PMM2: variants seen among roughly 807,000 people sequenced by gnomAD.
PMM2 encodes phosphomannomutase 2, also known as mannose-6-phosphate isomerase.
In PMM2, 35 loss-of-function variants were observed where a neutral mutation model predicts 33.2. The ratio of observed to expected loss-of-function variants is 1.06; its 90% CI spans 0.81 to 1.40. PMM2 has a LOEUF of 1.40. Among genes scored for constraint, PMM2 ranks in the 40% most tolerant of loss-of-function variants. The probability of loss-of-function intolerance (pLI) is 0.00; values close to 1 mark genes in which losing one functional copy is unlikely to be tolerated. For synonymous variants in PMM2, 153 were observed against 114.7 expected (o/e 1.33, Z -2.13); for missense variants, 386 against 306.0 (o/e 1.26, Z -1.95).
chr16:8,833,755 GAGA>G (rs1232844433), intron 7 of PMM2, among the ~76,000 whole-genome samples: 2 of 152,016 alleles, frequency 1.3e-5, no homozygotes, highest in African/African-American at 4.8e-5. Context: ...AATGGAATAA[GAGA>G]AGGAGAAAAA....
chr16:8,815,013 C>G (rs1487555831), intron 7 of PMM2, among the ~76,000 whole-genome samples: 2 of 152,130 alleles, frequency 1.3e-5, no homozygotes, highest in Non-Finnish European at 2.9e-5. Flanking sequence ...CCGTCCCTGG[C>G]AACCACCGTT....
At chr16:8,820,646 T>C (rs1355436678) in intron 7 of PMM2, among the ~76,000 whole-genome samples, 1 of 152,062 alleles carries the variant, frequency 6.6e-6, no homozygotes. Flanking sequence ...GAGCCACCAC[T>C]CCCGACCACA....
intron 1 of PMM2, among the ~76,000 whole-genome samples, chr16:8,801,560 A>G (rs768892616): frequency 1.3e-5 from 2 of 152,154 alleles, no homozygotes; most frequent in Non-Finnish European, 2.9e-5. Context: ...GGTCCCAGCT[A>G]CTCAGGAGGC....
intron 7 of PMM2, among the ~76,000 whole-genome samples, chr16:8,827,250 G>A (rs1208161831): frequency 6.6e-6 from 1 of 151,682 alleles, no homozygotes; most frequent in African/African-American, 2.4e-5. Flanking sequence ...TCTCATGTGG[G>A]CATTCAGAGT....
intron 7 of PMM2, among the ~76,000 whole-genome samples, chr16:8,820,783 G>T (rs1345230564): frequency 1.3e-5 from 2 of 152,184 alleles, no homozygotes; most frequent in Non-Finnish European, 2.9e-5. Flanking sequence ...ACCAGCGTCT[G>T]CTTCCTTCAC....
At chr16:8,843,316 G>T (rs1387873057) in intron 7 of PMM2, among the ~76,000 whole-genome samples, 1 of 152,148 alleles carries the variant, frequency 6.6e-6, no homozygotes, top group African/African-American at 2.4e-5. Flanking sequence ...CGTCCGTGAT[G>T]GTCTGGGGGC....
intron 7 of PMM2, among the ~76,000 whole-genome samples, chr16:8,830,399 T>C (rs868280403): frequency 6.6e-6 from 1 of 152,230 alleles, no homozygotes; most frequent in South Asian, 2.1e-4. Flanking sequence ...ACTGGAGTTT[T>C]ATTATTACTC....
chr16:8,847,548 C>G, intron 7 of PMM2, 176 bp from the exon 8 acceptor site: 1 of 621,520 alleles, frequency 1.6e-6, no homozygotes, highest in Admixed American at 2.4e-5. Flanking sequence ...TAAATCTCTT[C>G]TTAATAACAA....
At chr16:8,841,946 A>C (rs4985052) in intron 7 of PMM2, among the ~76,000 whole-genome samples, 93,640 of 139,570 alleles carry the variant, frequency 0.67, 29,273 homozygotes, top group South Asian at 0.69. Flanking sequence ...AGAAATGTAG[A>C]GAGTGAGTTG....
Position 8,827,762 on chromosome 16 carries a change from G to T in PMM2, c.639+14656G>T, listed in dbSNP as rs369260756. On this transcript the variant is annotated intron_variant, in intron 7 of 7. Transcript: ENST00000268261. ...TATATATATATATATATATATATAT[G>T]CACACATTTATATATATATATTTAT... 1.3e-3 allele frequency among the ~76,000 whole-genome samples: 52 copies of T among 40,244 alleles called. 1 individual carries two copies. The highest frequency in any genetic ancestry group is 2.4e-3 in the East Asian group (3 of 1,260). The allele number at this position is 40,244 out of a possible 152,430, so 26.4% of individuals were successfully genotyped here. A position where few individuals can be genotyped will look rare whatever the true frequency, so the allele number is the denominator to read the frequency against.
In PMM2 at chr16:8,811,145, A is replaced by G. The variant is rs1465175487; in HGVS notation, c.414A>G (p.Gln138=). 1.1e-5 allele frequency: 18 copies of G among 1,575,828 alleles called. 1 individual carries two copies. In the South Asian group the frequency reaches 1.5e-4, roughly 13 times the overall value. ...CCCCTATTGGAAGAAGCTGCAGCCAAGAAGAACGCATTGAGTTCTACGAAC... is the reference window on the plus strand; with the variant it reads ...CCCCTATTGGAAGAAGCTGCAGCCAGGAAGAACGCATTGAGTTCTACGAAC... The part of the protein sequence containing the change: ...NVSPIGRSCS[Q]EERIEFYELD... Residue 138 remains glutamine (Q), a synonymous_variant, in exon 5 of 8, where the codon CAA becomes CAG. Transcript: ENST00000268261.
At chr16:8,832,555 C>T (rs1369033182) in intron 7 of PMM2, 1 of 985,308 alleles carries the variant, frequency 1.0e-6, no homozygotes, top group Admixed American at 6.1e-5. Context: ...TGTCAGGGGA[C>T]TAGCATAAAC....
rs1481809407 is a variant in PMM2 at position 8,819,112 on chromosome 16, G to A, written c.639+6006G>A. On this transcript the variant is annotated intron_variant, in intron 7 of 7. Transcript: ENST00000268261. Reference sequence around the variant, plus strand: ...TTTTTGACTTGACGCTTCCATTTTGGGTAATTTGGCTATCAGTGCACTCAA... The same window carrying A: ...TTTTTGACTTGACGCTTCCATTTTGAGTAATTTGGCTATCAGTGCACTCAA... Among the ~76,000 whole-genome samples the A allele has an allele frequency of 2.6e-5, 4 of 152,296 alleles. No homozygotes were observed. In the East Asian group the frequency reaches 7.7e-4, roughly 29 times the overall value.
At chr16:8,824,193 A>T (rs1000718467) in intron 7 of PMM2, among the ~76,000 whole-genome samples, 1 of 152,226 alleles carries the variant, frequency 6.6e-6, no homozygotes, top group Non-Finnish European at 1.5e-5. Flanking sequence ...AAAAGGATTA[A>T]CAATGTTTAA....
chr16:8,804,920 T>G, intron 3 of PMM2, 77 bp downstream of exon 3: 1 of 898,676 alleles, frequency 1.1e-6, no homozygotes, highest in Non-Finnish European at 1.9e-6. Flanking sequence ...TGAATGCCTC[T>G]AGGAAGATGA....
chr16:8,841,825 G>A (rs1157982373), intron 7 of PMM2, among the ~76,000 whole-genome samples: 1 of 140,630 alleles, frequency 7.1e-6, no homozygotes, highest in Non-Finnish European at 1.6e-5. Context: ...GTCCGGGCCA[G>A]GAACAATGGT....
In PMM2 at chr16:8,832,572, T is replaced by G. The variant is rs1049900736; in HGVS notation, c.640-15152T>G. 1.3e-5 allele frequency: 13 copies of G among 985,320 alleles called. No individual in the cohort carries two copies. The African/African-American group carries it at 1.7e-4, about 13-fold the overall frequency. The allele number at this position is 985,320 out of a possible 1,614,324, so 61.0% of individuals were successfully genotyped here. A position where few individuals can be genotyped will look rare whatever the true frequency, so the allele number is the denominator to read the frequency against. On this transcript the variant is annotated intron_variant, in intron 7 of 7. Transcript: ENST00000268261. ...TCAGGGGACTAGCATAAACCCTTTT[T>G]GCTTCAGGGGTCTCTTCCCAGGTAA...
intron 1 of PMM2, among the ~76,000 whole-genome samples, chr16:8,800,751 T>C (rs2060611205): frequency 6.6e-6 from 1 of 152,094 alleles, no homozygotes; most frequent in Admixed American, 6.5e-5. Flanking sequence ...TGGCACGATC[T>C]TGGCTCACTG....
chr16:8,829,885 A>G (rs2060799913), intron 7 of PMM2, among the ~76,000 whole-genome samples: 1 of 152,208 alleles, frequency 6.6e-6, no homozygotes. Context: ...ACTAAATCAC[A>G]AACCAAGAGT....
Sources: gnomAD v4.1 joint callset for allele counts (sites outside exome capture counted in the v4.1 genomes callset) on GRCh38, gnomAD v4.1.1 for gene constraint, MANE v1.5 for transcripts, NCBI Gene and HGNC (gene_info 2026-07-23, HGNC 2026-07-21) for gene names.